Variants in XPO1 observed in about 807,000 individuals in gnomAD.
XPO1 encodes exportin-1.
Under a neutral mutation model 133.3 loss-of-function variants are expected in XPO1, and 5 were observed. The observed-to-expected ratio is 0.04, with a 90% CI of 0.02 to 0.08. XPO1 has a LOEUF of 0.08. XPO1 is among the 10% of genes least tolerant of loss of function. The pLI is 1.00. For missense variants in XPO1, 506 were observed against 1,267.5 expected (o/e 0.40, Z 9.12); for synonymous variants, 419 against 408.2 (o/e 1.03, Z -0.32).
intron 19 of XPO1, 112 bp from the exon 20 acceptor site, chr2:61,486,074 GGAAAATC>G (rs35844473): frequency 0.47 from 480,896 of 1,026,276 alleles, 115,679 homozygotes; most frequent in Middle Eastern, 0.53. Flanking sequence ...ACTGAAAACA[GGAAAATC>G]TTGTGTTTGT....
chr2:61,510,475 C>T (rs1302840570), intron 4 of XPO1, among the ~76,000 whole-genome samples: 2 of 152,012 alleles, frequency 1.3e-5, no homozygotes, highest in East Asian at 3.8e-4. Flanking sequence ...GTTAGGGTTC[C>T]CACAGATAAT....
intron 4 of XPO1, among the ~76,000 whole-genome samples, chr2:61,505,521 AC>A (rs1697760136): frequency 6.6e-6 from 1 of 150,856 alleles, no homozygotes; most frequent in African/African-American, 2.4e-5. Context: ...CCTCCTGAGT[AC>A]CCTGGACTAC....
At chr2:61,502,163 T>A in intron 5 of XPO1, 86 bp downstream of exon 5, 1 of 1,535,774 alleles carries the variant, frequency 6.5e-7, no homozygotes, top group Non-Finnish European at 8.9e-7. Flanking sequence ...TGTGTGACTA[T>A]GTGTCTTGAC....
intron 4 of XPO1, 52 bp from the exon 5 acceptor site, chr2:61,502,362 T>C (rs1185970342): frequency 2.0e-6 from 3 of 1,532,886 alleles, no homozygotes; most frequent in East Asian, 2.3e-5. Context: ...TTTTGTAGCA[T>C]GCAAATAAAT....
chr2:61,526,694 AT>A (rs1698917154), intron 2 of XPO1, among the ~76,000 whole-genome samples, 173 bp from the exon 3 acceptor site: 1 of 148,148 alleles, frequency 6.8e-6, no homozygotes, highest in African/African-American at 2.5e-5. Flanking sequence ...AATTATATAA[AT>A]ATGACTCCCA....
intron 4 of XPO1, among the ~76,000 whole-genome samples, chr2:61,513,169 C>A (rs1698178710): frequency 6.6e-6 from 1 of 151,598 alleles, no homozygotes; most frequent in African/African-American, 2.4e-5. Flanking sequence ...AAGCATTCCT[C>A]CCACCTCAGC....
chr2:61,537,341 G>C (rs1385264662), intron 1 of XPO1, among the ~76,000 whole-genome samples: 4 of 151,342 alleles, frequency 2.6e-5, no homozygotes, highest in South Asian at 4.2e-4. Flanking sequence ...CCCAGCAAGC[G>C]CTCCCCTCCC....
At chr2:61,528,126 T>C (rs1028360445) in intron 2 of XPO1, among the ~76,000 whole-genome samples, 4 of 151,936 alleles carry the variant, frequency 2.6e-5, no homozygotes, top group South Asian at 2.1e-4. Context: ...AGGGTTTCAC[T>C]GTATTGGCCA....
At chr2:61,497,819 A>T (rs1320949070) in intron 9 of XPO1, among the ~76,000 whole-genome samples, 1 of 152,236 alleles carries the variant, frequency 6.6e-6, no homozygotes, top group Non-Finnish European at 1.5e-5. Flanking sequence ...AAATATTTAA[A>T]TAAATTAATG....
chr2:61,488,031 A>G, intron 19 of XPO1, 134 bp downstream of exon 19: 1 of 741,074 alleles, frequency 1.3e-6, no homozygotes, highest in East Asian at 2.5e-5. Context: ...AAGGACTACA[A>G]TAAATAAAAT....
intron 9 of XPO1, 150 bp downstream of exon 9, chr2:61,498,523 A>G (rs1315330737): frequency 3.5e-6 from 3 of 852,432 alleles, no homozygotes; most frequent in Non-Finnish European, 3.5e-6. Context: ...ATAATTTACT[A>G]GGTGTGAATA....
At chr2:61,536,883 A>G (rs1258129380) in intron 1 of XPO1, 1 of 152,724 alleles carries the variant, frequency 6.5e-6, no homozygotes, top group Non-Finnish European at 1.5e-5. Flanking sequence ...CATCGGAATG[A>G]AGGAGAATCA....
rs369157232 is a variant in XPO1, at chr2:61,522,054, G to A, written c.301+557C>T. ...ATTACAGGCTTGAGCCACTGTGCCC[G>A]GCCCATATTTTATTTATATATATGT... On this transcript the variant is annotated intron_variant, in intron 4 of 24. Coordinates refer to ENST00000401558, the MANE Select transcript of XPO1 (RefSeq NM_003400.4). 4.0e-5 allele frequency among the ~76,000 whole-genome samples: 6 copies of A among 150,518 alleles called. No homozygotes were observed. In the South Asian group the frequency reaches 6.4e-4, roughly 16 times the overall value.
intron 4 of XPO1, among the ~76,000 whole-genome samples, chr2:61,507,675 C>A (rs961529670): frequency 1.3e-5 from 2 of 151,950 alleles, no homozygotes; most frequent in African/African-American, 4.8e-5. Flanking sequence ...GCCAGGAGTT[C>A]GAGACCAGCC....
chr2:61,528,172 G>A (rs1463937881), intron 2 of XPO1, among the ~76,000 whole-genome samples: 4 of 151,778 alleles, frequency 2.6e-5, no homozygotes, highest in Non-Finnish European at 5.9e-5. Context: ...TGACCCGCCT[G>A]CCTCAGCCTC....
chr2:61,498,586 G>A, intron 9 of XPO1, 87 bp downstream of exon 9: 8 of 1,530,648 alleles, frequency 5.2e-6, no homozygotes, highest in Non-Finnish European at 7.1e-6. Context: ...GTTGAATAAG[G>A]TTTAGAATGC....
intron 10 of XPO1, among the ~76,000 whole-genome samples, 160 bp downstream of exon 10, chr2:61,496,719 G>A (rs1423411705): frequency 1.3e-5 from 2 of 151,974 alleles, no homozygotes; most frequent in Non-Finnish European, 2.9e-5. Flanking sequence ...GAAATTTTTG[G>A]AAACATCATA....
intron 17 of XPO1, among the ~76,000 whole-genome samples, 166 bp downstream of exon 17, chr2:61,490,476 G>A (rs896550137): frequency 1.3e-5 from 2 of 152,222 alleles, no homozygotes; most frequent in African/African-American, 4.8e-5. Flanking sequence ...CAGGATTACA[G>A]GCGTGAGCCA....
At chr2:61,526,599 C>A (rs1232228974) in intron 2 of XPO1, 78 bp from the exon 3 acceptor site, 41 of 1,095,418 alleles carry the variant, frequency 3.7e-5, no homozygotes, top group Non-Finnish European at 4.4e-5. Context: ...AACTACTGAG[C>A]AAGGCACAAA....
Sources: gnomAD v4.1 joint callset for allele counts (sites outside exome capture counted in the v4.1 genomes callset) on GRCh38, gnomAD v4.1.1 for gene constraint, MANE v1.5 for transcripts, NCBI Gene and HGNC (gene_info 2026-07-23, HGNC 2026-07-21) for gene names.